The following SNX14 variants were observed in gnomAD, a reference collection of about 807,000 sequenced individuals.
SNX14 encodes sorting nexin 14.
Under a neutral mutation model 133.8 loss-of-function variants are expected in SNX14, and 93 were observed. The observed-to-expected ratio is 0.70, with a 90% CI of 0.59 to 0.83. The LOEUF (loss-of-function observed/expected upper bound fraction) is 0.83, where lower values mean the gene tolerates loss of function less well. Among genes scored for constraint, SNX14 ranks in the 40% least tolerant of loss-of-function variants. SNX14 has a pLI of 0.00. For missense variants in SNX14, 945 were observed against 1,094.9 expected (o/e 0.86, Z 1.93); for synonymous variants, 368 against 365.6 (o/e 1.01, Z -0.07).
At chr6:85,517,651 C>G (rs1031412541) in intron 23 of SNX14, 105 bp downstream of exon 23, 1 of 1,301,090 alleles carries the variant, frequency 7.7e-7, no homozygotes, top group African/African-American at 1.5e-5. Context: ...AAATGTATAG[C>G]TCAATCCATT....
intron 7 of SNX14, among the ~76,000 whole-genome samples, chr6:85,557,000 A>G (rs1790016480): frequency 1.3e-5 from 2 of 152,292 alleles, no homozygotes; most frequent in East Asian, 3.9e-4. Flanking sequence ...GCTCAAATGA[A>G]TTTGGAACAT....
At chr6:85,558,898 G>C (rs1158930618) in intron 6 of SNX14, among the ~76,000 whole-genome samples, 1 of 151,314 alleles carries the variant, frequency 6.6e-6, no homozygotes, top group Non-Finnish European at 1.5e-5. Context: ...AGGTTAGTGA[G>C]GGAGGGCTGA....
At chr6:85,537,633 C>A (rs1475953216) in intron 16 of SNX14, among the ~76,000 whole-genome samples, 1 of 152,094 alleles carries the variant, frequency 6.6e-6, no homozygotes, top group Non-Finnish European at 1.5e-5. Flanking sequence ...CAATTAAAAC[C>A]GTAACTTTTA....
chr6:85,579,673 T>C (rs1406708571), intron 1 of SNX14, among the ~76,000 whole-genome samples: 3 of 152,334 alleles, frequency 2.0e-5, no homozygotes, highest in South Asian at 4.1e-4. Flanking sequence ...ACTTAGCCGA[T>C]GCCCAAAAAG....
chr6:85,587,202 T>C (rs1801167419), intron 1 of SNX14, among the ~76,000 whole-genome samples: 1 of 127,396 alleles, frequency 7.8e-6, no homozygotes, highest in East Asian at 3.1e-4. Context: ...CTTAAAAAGA[T>C]AAGGCAAAAA....
At chr6:85,569,686 A>G (rs559235855) in intron 4 of SNX14, among the ~76,000 whole-genome samples, 1 of 152,342 alleles carries the variant, frequency 6.6e-6, no homozygotes, top group South Asian at 2.1e-4. Context: ...TGAGTTCTGT[A>G]ATCAACCAAA....
At chr6:85,543,851 A>T in intron 12 of SNX14, 91 bp from the exon 13 acceptor site, 1 of 696,736 alleles carries the variant, frequency 1.4e-6, no homozygotes, top group East Asian at 3.6e-5. Flanking sequence ...AGCCAATACT[A>T]ACAGCAGCAA....
At chr6:85,592,443 G>A (rs906361587) in intron 1 of SNX14, among the ~76,000 whole-genome samples, 3 of 152,152 alleles carry the variant, frequency 2.0e-5, no homozygotes, top group African/African-American at 7.2e-5. Flanking sequence ...AACAGCTTGC[G>A]GATGCTGTCA....
At chr6:85,506,563 G>A (rs143663957) in intron 28 of SNX14, among the ~76,000 whole-genome samples, 38 of 152,228 alleles carry the variant, frequency 2.5e-4, no homozygotes, top group East Asian at 1.4e-3. Context: ...TGATCCCCCC[G>A]CCTTGGCCTC....
chr6:85,570,278 G>A (rs767081960), intron 4 of SNX14, among the ~76,000 whole-genome samples: 1 of 152,054 alleles, frequency 6.6e-6, no homozygotes, highest in Non-Finnish European at 1.5e-5. Context: ...CTGAGCACCA[G>A]TATGTGCCAG....
chr6:85,565,913 C>T (rs771960555), intron 5 of SNX14, among the ~76,000 whole-genome samples: 3 of 152,170 alleles, frequency 2.0e-5, no homozygotes, highest in Non-Finnish European at 4.4e-5. Flanking sequence ...TGACAACCTT[C>T]AACTGAGGAG....
intron 6 of SNX14, among the ~76,000 whole-genome samples, chr6:85,562,582 C>CTTTTTTTTTTTTTTTTT (rs201175458): frequency 1.1e-5 from 1 of 94,846 alleles, no homozygotes; most frequent in Non-Finnish European, 2.0e-5. Flanking sequence ...ACTTTTTGGG[C>CTTTTTTTTTTTTTTTTT]TTTTTTTTTT....
intron 1 of SNX14, among the ~76,000 whole-genome samples, chr6:85,575,939 C>T (rs972344107): frequency 1.3e-5 from 2 of 152,176 alleles, no homozygotes; most frequent in Admixed American, 6.5e-5. Context: ...TTAAGTTACT[C>T]TTAATATGTT....
chr6:85,519,652 C>T (rs1195792132), intron 21 of SNX14, among the ~76,000 whole-genome samples: 3 of 152,074 alleles, frequency 2.0e-5, no homozygotes, highest in African/African-American at 4.8e-5. Flanking sequence ...GGGCGGATCC[C>T]GAGGTCAGGA....
At chr6:85,550,539 A>T (rs1245903381) in intron 7 of SNX14, among the ~76,000 whole-genome samples, 1 of 152,118 alleles carries the variant, frequency 6.6e-6, no homozygotes, top group Non-Finnish European at 1.5e-5. Flanking sequence ...TCCGTCACCC[A>T]GGCTGGAGAT....
At chr6:85,570,375 T>C (rs955036723) in intron 4 of SNX14, among the ~76,000 whole-genome samples, 9 of 152,196 alleles carry the variant, frequency 5.9e-5, no homozygotes, top group Non-Finnish European at 1.5e-5. Flanking sequence ...TTGTTAGAAG[T>C]TTTCTTCAAC....
rs533872283 is a variant in SNX14 at position 85,512,559 on chromosome 6, T to C, written c.2653+1241A>G. Among the ~76,000 whole-genome samples the C allele has an allele frequency of 8.6e-4, 129 of 150,014 alleles. 1 individual carries two copies. The highest frequency in any genetic ancestry group is 3.0e-3 in the African/African-American group (122 of 40,574). ...ATTGCTTGAACCCAGGAGGCGGAGG[T>C]TGCAGTGAGCAGAGATCGTGTCATT... On this transcript the variant is annotated intron_variant, in intron 26 of 28. Coordinates refer to ENST00000314673, the MANE Select transcript of SNX14 (RefSeq NM_153816.6).
At chr6:85,511,900 G>A (rs569393920) in intron 26 of SNX14, among the ~76,000 whole-genome samples, 2 of 152,324 alleles carry the variant, frequency 1.3e-5, no homozygotes, top group African/African-American at 4.8e-5. Context: ...AAGAGGAACT[G>A]CTGCAAACAG....
At chr6:85,591,403 T>C (rs1202622277) in intron 1 of SNX14, among the ~76,000 whole-genome samples, 2 of 152,184 alleles carry the variant, frequency 1.3e-5, no homozygotes, top group Non-Finnish European at 2.9e-5. Context: ...TTTTGCTGAC[T>C]ACAGCAGTAA....
Sources: allele counts gnomAD v4.1 joint callset (sites outside exome capture counted in the v4.1 genomes callset), GRCh38; gene constraint gnomAD v4.1.1; transcripts MANE v1.5; gene names NCBI Gene and HGNC (gene_info 2026-07-23, HGNC 2026-07-21).